ZNF791: variants seen among roughly 807,000 people sequenced by gnomAD.
ZNF791 encodes zinc finger protein 791.
In ZNF791, 4 loss-of-function variants were observed where a neutral mutation model predicts 11.5. The observed-to-expected ratio is 0.35, with a 90% CI of 0.17 to 0.80. The LOEUF is 0.80. Ranked by LOEUF, ZNF791 falls within the 30% of genes least tolerant of loss-of-function variation. ZNF791 has a pLI of 0.53. For missense variants in ZNF791, 559 were observed against 699.4 expected (o/e 0.80, Z 2.26); for synonymous variants, 212 against 228.1 (o/e 0.93, Z 0.64).
At chr19:12,613,781 C>T (rs545440823) in intron 1 of ZNF791, among the ~76,000 whole-genome samples, 11 of 152,132 alleles carry the variant, frequency 7.2e-5, no homozygotes, top group Admixed American at 2.0e-4. Context: ...ACTCATATGC[C>T]CACCATGGAA....
intron 1 of ZNF791, chr19:12,612,207 T>A (rs1196080275): frequency 1.3e-5 from 3 of 226,838 alleles, no homozygotes; most frequent in Non-Finnish European, 2.1e-5. Flanking sequence ...TATTATTTTC[T>A]TTTTTTTTTT....
Position 12,628,051 on chromosome 19 carries a change from C to T in ZNF791, c.522C>T (p.Pro174=). ...QCGKTFIYHQ[P]FQRHERTHIG... ...GAAAAACCTTCATATATCACCAGCC[C>T]TTTCAAAGACATGAGCGGACTCACA... Residue 174 remains proline (P), a synonymous_variant, in exon 4 of 4, where the codon CCC becomes CCT. Coordinates refer to ENST00000343325, the MANE Select transcript of ZNF791 (RefSeq NM_153358.3). 1 of 1,613,188 alleles carries T rather than the reference C, an allele frequency of 6.2e-7. No homozygotes were observed. The highest frequency in any genetic ancestry group is 1.3e-5 in the African/African-American group (1 of 74,896).
chr19:12,613,326 A>G (rs1235239380), intron 1 of ZNF791, among the ~76,000 whole-genome samples: 1 of 151,900 alleles, frequency 6.6e-6, no homozygotes, highest in South Asian at 2.1e-4. Context: ...TCATGCCTGT[A>G]ATCCCAGCAC....
At chr19:12,623,478 G>A in intron 1 of ZNF791, 3 of 504,768 alleles carry the variant, frequency 5.9e-6, no homozygotes, top group Non-Finnish European at 1.0e-5. Context: ...ATTTTTCTAA[G>A]TTGAACTAGA....
intron 1 of ZNF791, 105 bp from the exon 2 acceptor site, chr19:12,623,595 T>G: frequency 6.8e-7 from 1 of 1,463,744 alleles, no homozygotes; most frequent in Non-Finnish European, 9.4e-7. Context: ...AGTCATGCAC[T>G]AAATGTTTGG....
intron 1 of ZNF791, among the ~76,000 whole-genome samples, chr19:12,615,352 G>T (rs1465200764): frequency 6.6e-6 from 1 of 152,076 alleles, no homozygotes; most frequent in East Asian, 1.9e-4. Flanking sequence ...TTTCCAGAAT[G>T]TAATACACGT....
rs1278845977 is a variant in ZNF791 at position 12,627,793 on chromosome 19, CAG to C, written c.265_266del (p.Ser89CysfsTer12). 3.1e-6 allele frequency: 5 copies of C among 1,614,056 alleles called. No homozygotes were observed. In the Admixed American group the frequency reaches 8.3e-5, roughly 27 times the overall value. On this transcript the variant is annotated frameshift_variant, in exon 4 of 4. Coordinates refer to ENST00000343325, the MANE Select transcript of ZNF791 (RefSeq NM_153358.3). LOFTEE classifies it low-confidence loss of function (END_TRUNC). ...GTGCAGAAAACTTCAGTCCCAATCT[CAG>C]TGTGACGAAGAAGACTGCCGGAGTA... ...QCAENFSPNL[S>X]VTKKTAGVKP...
intron 3 of ZNF791, among the ~76,000 whole-genome samples, chr19:12,625,716 C>A (rs559379927): frequency 6.9e-6 from 1 of 144,678 alleles, no homozygotes; most frequent in East Asian, 2.2e-4. Flanking sequence ...ACCTGGGAGG[C>A]AGAGGTTGCA....
rs921949252 is a variant in ZNF791, at chr19:12,631,625, G to C, written c.*2365G>C. 2.0e-5 allele frequency: 3 copies of C among 152,180 alleles called. No individual in the cohort carries two copies. The highest frequency in any genetic ancestry group is 4.4e-5 in the Non-Finnish European group (3 of 68,058). 9.4% of individuals were successfully genotyped at this position (152,180 alleles called of 1,614,324 possible). ...CATGCACCTGTAATTCCAGCTACTT[G>C]GGAGGCTGAAGCAGGAGAATCATTT... is the stretch of plus-strand genomic sequence containing the variant. On this transcript the variant is annotated 3_prime_UTR_variant, in exon 4 of 4. Transcript: ENST00000343325.
chr19:12,615,409 G>A (rs1405968063), intron 1 of ZNF791, among the ~76,000 whole-genome samples: 1 of 152,066 alleles, frequency 6.6e-6, no homozygotes, highest in Non-Finnish European at 1.5e-5. Context: ...CCTTCACTGA[G>A]CAATGTACTT....
chr19:12,626,754 A>G (rs966028378), intron 3 of ZNF791, among the ~76,000 whole-genome samples: 4 of 150,246 alleles, frequency 2.7e-5, no homozygotes, highest in African/African-American at 9.8e-5. Flanking sequence ...ACAGGCGCCC[A>G]CCACCACGCC....
chr19:12,632,389 C>T lies in ZNF791; in HGVS notation c.*3129C>T, dbSNP rs2023512028. On this transcript the variant is annotated 3_prime_UTR_variant, in exon 4 of 4. Transcript: ENST00000343325. ...GAATAAAGAGATTGTTGAATACTGA[C>T]ACACTGTAACTAGGATTTTTCCTAC... is the stretch of plus-strand genomic sequence containing the variant. 1 of 152,030 alleles carries T rather than the reference C, an allele frequency of 6.6e-6. No individual in the cohort carries two copies. Among genetic ancestry groups the T allele is most frequent in the African/African-American group, 2.4e-5 (1 of 41,394 alleles). 9.4% of individuals were successfully genotyped at this position (152,030 alleles called of 1,614,324 possible). A position where few individuals can be genotyped will look rare whatever the true frequency, so the allele number is the denominator to read the frequency against.
chr19:12,628,008 A>T lies in ZNF791; in HGVS notation c.479A>T (p.Tyr160Phe). The T allele has an allele frequency of 6.2e-7, 1 of 1,613,668 alleles. No homozygotes were observed. The highest frequency in any genetic ancestry group is 1.3e-5 in the African/African-American group (1 of 74,970). Residue 160 changes from tyrosine (Y) to phenylalanine (F), a missense_variant, in exon 4 of 4, where the codon TAT becomes TTT. Transcript: ENST00000343325. ...AGGAGTCACACTGGAGAAAAACCCT[A>T]TAAATGTAAACAATGTGGAAAAACC... ...HERSHTGEKP[Y>F]KCKQCGKTFI...
chr19:12,616,179 ATTGAGCATCTCTTCATAT>A, intron 1 of ZNF791, among the ~76,000 whole-genome samples: 1 of 152,220 alleles, frequency 6.6e-6, no homozygotes. Context: ...GTGACATATA[ATTGAGCATCTCTTCATAT>A]GTGTATTTGC....
At position 12,618,228 on chromosome 19, in the gene ZNF791, CT is replaced by C. The variant is rs1327114151; in HGVS notation, c.4-5467del. Among the ~76,000 whole-genome samples the C allele has an allele frequency of 3.9e-5, 6 of 152,150 alleles. No individual in the cohort carries two copies. The East Asian group carries it at 1.2e-3, about 29-fold the overall frequency. ...CCACCACGTCCACCAACCATCTATTCTTTTTCACAAGTATTGTATTTTTAAA... is the reference window on the plus strand; with the variant it reads ...CCACCACGTCCACCAACCATCTATTCTTTTCACAAGTATTGTATTTTTAAA... On this transcript the variant is annotated intron_variant, in intron 1 of 3. Transcript: ENST00000343325.
At chr19:12,612,433 T>C (rs530791746) in intron 1 of ZNF791, 1 of 149,960 alleles carries the variant, frequency 6.7e-6, no homozygotes, top group Non-Finnish European at 1.5e-5. Context: ...TTTATTTATT[T>C]ATTTATTATT....
chr19:12,621,935 A>G (rs919851953), intron 1 of ZNF791, among the ~76,000 whole-genome samples: 2 of 118,130 alleles, frequency 1.7e-5, no homozygotes, highest in African/African-American at 6.4e-5. Flanking sequence ...TGGGGAAAAG[A>G]TTGAGAAATC....
rs2023145428 is a variant in ZNF791 at position 12,610,922 on chromosome 19, A to C, written c.-158A>C. 9.4e-7 allele frequency: 1 copy of C among 1,068,572 alleles called. No homozygotes were observed. The highest frequency in any genetic ancestry group is 1.5e-5 in the African/African-American group (1 of 64,550). 66.2% of individuals were successfully genotyped at this position (1,068,572 alleles called of 1,614,324 possible). On this transcript the variant is annotated 5_prime_UTR_variant, in exon 1 of 4. An upstream start codon of the reference 5' UTR is lost. Coordinates refer to ENST00000343325, the MANE Select transcript of ZNF791 (RefSeq NM_153358.3). ...AGGAGGGTACGGCTACGCTGCGCAA[A>C]TGCGTGCTACGTCACTGTGCGATCG... is the stretch of plus-strand genomic sequence containing the variant.
At chr19:12,613,170 G>C (rs529768318) in intron 1 of ZNF791, among the ~76,000 whole-genome samples, 1 of 150,648 alleles carries the variant, frequency 6.6e-6, no homozygotes, top group African/African-American at 2.4e-5. Context: ...ATGTTGGCCA[G>C]TCCGGTCTCG....
Sources: allele counts gnomAD v4.1 joint callset (sites outside exome capture counted in the v4.1 genomes callset), GRCh38; gene constraint gnomAD v4.1.1; transcripts MANE v1.5; gene names NCBI Gene and HGNC (gene_info 2026-07-23, HGNC 2026-07-21).